CAMTA1: variants seen among roughly 807,000 people sequenced by gnomAD.
CAMTA1 encodes the protein calmodulin binding transcription activator 1.
In CAMTA1, 27 loss-of-function variants were observed where a neutral mutation model predicts 170.9. The observed-to-expected ratio is 0.16, with a 90% CI of 0.12 to 0.22. The LOEUF is 0.22. Among genes scored for constraint, CAMTA1 ranks in the 10% least tolerant of loss-of-function variants. CAMTA1 has a pLI of 1.00. For synonymous variants in CAMTA1, 833 were observed against 891.5 expected (o/e 0.93, Z 1.17); for missense variants, 1,619 against 2,217.2 (o/e 0.73, Z 5.42).
rs2096925633 is a variant in CAMTA1 at position 7,755,486 on chromosome 1, C to T, written c.4959-152C>T. 5 of 630,818 alleles carry T rather than the reference C, an allele frequency of 7.9e-6. No individual in the cohort carries two copies. The Admixed American group carries it at 1.0e-4, about 13-fold the overall frequency. The allele number at this position is 630,818 out of a possible 1,614,324, so 39.1% of individuals were successfully genotyped here. On this transcript the variant is annotated intron_variant, in intron 21 of 22. Coordinates refer to ENST00000303635, the MANE Select transcript of CAMTA1 (RefSeq NM_015215.4). The stretch of plus-strand genomic sequence containing the variant: ...AAATTGATGAATTTTTTTACCTACT[C>T]ATTTCACGTACCCCACCATCACTCT...
At chr1:7,524,855 C>T (rs926078440) in intron 6 of CAMTA1, among the ~76,000 whole-genome samples, 1 of 152,120 alleles carries the variant, frequency 6.6e-6, no homozygotes, top group African/African-American at 2.4e-5. Context: ...TCCTCTACCC[C>T]ACCGATCCCT....
chr1:7,057,773 T>G (rs1210176624), intron 3 of CAMTA1, among the ~76,000 whole-genome samples: 1 of 152,230 alleles, frequency 6.6e-6, no homozygotes, highest in East Asian at 1.9e-4. Flanking sequence ...GGCCCAGATA[T>G]AGTCACGGTT....
rs1189294996 is a variant in CAMTA1 at position 7,224,566 on chromosome 1, A to T, written c.303-24925A>T. Among the ~76,000 whole-genome samples the T allele has an allele frequency of 6.6e-6, 1 of 152,156 alleles. No homozygotes were observed. The highest frequency in any genetic ancestry group is 1.5e-5 in the Non-Finnish European group (1 of 68,030). On this transcript the variant is annotated intron_variant, in intron 4 of 22. Coordinates refer to ENST00000303635, the MANE Select transcript of CAMTA1 (RefSeq NM_015215.4). This position sits in a 1 kb window ranked among gnomAD's most constrained non-coding sequence, Gnocchi z 5.2. ...TCTGCTGTGTACGGGTTTTATTTTTAAATGTCATCATCGTTTTGTACAGGA... is the reference window on the plus strand; with the variant it reads ...TCTGCTGTGTACGGGTTTTATTTTTTAATGTCATCATCGTTTTGTACAGGA...
chr1:7,608,271 C>T (rs1438953070), intron 6 of CAMTA1, among the ~76,000 whole-genome samples: 3 of 152,208 alleles, frequency 2.0e-5, no homozygotes, highest in African/African-American at 4.8e-5. Context: ...AGGCCCAGAC[C>T]TGACCAAGGT....
chr1:7,574,886 T>A (rs1007163495), intron 6 of CAMTA1, among the ~76,000 whole-genome samples: 1 of 152,064 alleles, frequency 6.6e-6, no homozygotes, highest in Non-Finnish European at 1.5e-5. Flanking sequence ...TACTGAGAGG[T>A]CCGTGCCCCA....
At position 7,570,059 on chromosome 1, in the gene CAMTA1, GC is replaced by G. The variant is rs1358923652; in HGVS notation, c.511-70340del. 6.6e-6 allele frequency among the ~76,000 whole-genome samples: 1 copy of G among 152,198 alleles called. No homozygotes were observed. The highest frequency in any genetic ancestry group is 1.9e-4 in the East Asian group (1 of 5,200). ...ACTGTATCAATTTAAAATGGCTTTT[GC>G]TTTGATCATTAGGGGTCCTGGGAGG... On this transcript the variant is annotated intron_variant, in intron 6 of 22. Transcript: ENST00000303635. The surrounding 1 kb of genome is among the most constrained non-coding windows in gnomAD (Gnocchi z 4.3).
chr1:7,276,287 A>G (rs1410405587), intron 5 of CAMTA1, among the ~76,000 whole-genome samples: 1 of 58,268 alleles, frequency 1.7e-5, no homozygotes, highest in Non-Finnish European at 2.7e-5. Flanking sequence ...TCATATATAT[A>G]TATATATATA....
rs528505033 is a variant in CAMTA1, at chr1:7,667,562, T to C, written c.2652+2363T>C. ...CAGAAGCCAGGAGGTGGGAGGAGGGTCCCCTCTTTTCCCGAGGTCCTGGCC... is the reference window on the plus strand; with the variant it reads ...CAGAAGCCAGGAGGTGGGAGGAGGGCCCCCTCTTTTCCCGAGGTCCTGGCC... On this transcript the variant is annotated intron_variant, in intron 9 of 22. Transcript: ENST00000303635. Among the ~76,000 whole-genome samples, 28 of 151,460 alleles carry C rather than the reference T, an allele frequency of 1.8e-4. 1 individual carries two copies. The South Asian group carries it at 5.4e-3, about 29-fold the overall frequency.
chr1:7,240,484 G>T (rs901160625), intron 4 of CAMTA1, among the ~76,000 whole-genome samples: 1 of 149,590 alleles, frequency 6.7e-6, no homozygotes, highest in African/African-American at 2.5e-5. Flanking sequence ...CCCATCTTTG[G>T]TTAGTGGGAG....
chr1:6,883,552 C>T (rs558036043), intron 3 of CAMTA1, among the ~76,000 whole-genome samples: 3 of 152,034 alleles, frequency 2.0e-5, no homozygotes, highest in African/African-American at 7.2e-5. Context: ...GCAGAAGAAT[C>T]GATGTGAGGA....
chr1:7,750,242 G>A (rs2096886926), intron 19 of CAMTA1, among the ~76,000 whole-genome samples: 1 of 152,204 alleles, frequency 6.6e-6, no homozygotes, highest in South Asian at 2.1e-4. Context: ...CTTGCAGAAG[G>A]GTCCTGGTTC....
In CAMTA1 at chr1:6,909,158, A is replaced by G. The variant is rs1272773300; in HGVS notation, c.234+83948A>G. Among the ~76,000 whole-genome samples the G allele has an allele frequency of 2.0e-5, 3 of 152,200 alleles. No individual in the cohort carries two copies. The East Asian group carries it at 5.8e-4, about 29-fold the overall frequency. ...TTTCCTGGCCTCTAAAAGAAAACTC[A>G]ATTTATTTGTCTGCTTTGATCATCT... On this transcript the variant is annotated intron_variant, in intron 3 of 22. Transcript: ENST00000303635.
At chr1:7,741,108 A>G (rs904572708) in intron 16 of CAMTA1, among the ~76,000 whole-genome samples, 1 of 152,212 alleles carries the variant, frequency 6.6e-6, no homozygotes, top group Non-Finnish European at 1.5e-5. Context: ...TGTTTAAACT[A>G]TCTCCTAGAA....
intron 5 of CAMTA1, among the ~76,000 whole-genome samples, chr1:7,310,620 CTT>C (rs1676353346): frequency 2.3e-4 from 1 of 4,358 alleles, no homozygotes; most frequent in Non-Finnish European, 4.5e-4. Context: ...TTCTTTCTTT[CTT>C]TCTTTCTTTC....
intron 6 of CAMTA1, among the ~76,000 whole-genome samples, chr1:7,587,448 C>T (rs966408371): frequency 2.0e-5 from 3 of 152,116 alleles, no homozygotes; most frequent in East Asian, 1.9e-4. Context: ...CCACTCTAAC[C>T]GCCCGTGATT....
chr1:7,474,297 G>A (rs2093383802), intron 6 of CAMTA1, among the ~76,000 whole-genome samples: 1 of 137,094 alleles, frequency 7.3e-6, no homozygotes, highest in African/African-American at 2.7e-5. Context: ...ATAAAATGGA[G>A]CCAACAGCAA....
chr1:7,272,692 CAAAAAAAAAAAAA>C (rs371588178), intron 5 of CAMTA1, among the ~76,000 whole-genome samples: 1 of 38,802 alleles, frequency 2.6e-5, no homozygotes, highest in Non-Finnish European at 4.6e-5. Context: ...TAAACACATG[CAAAAAAAAAAAAA>C]AAAAAAAAAA....
chr1:6,921,193 A>C (rs570760040), intron 3 of CAMTA1, among the ~76,000 whole-genome samples: 2 of 152,232 alleles, frequency 1.3e-5, no homozygotes, highest in Non-Finnish European at 2.9e-5. Flanking sequence ...GATAACCTAA[A>C]TCATCTTTCT....
intron 5 of CAMTA1, among the ~76,000 whole-genome samples, chr1:7,344,674 C>A (rs904294501): frequency 6.6e-6 from 1 of 151,968 alleles, no homozygotes; most frequent in Non-Finnish European, 1.5e-5. Flanking sequence ...ACCAGCATTT[C>A]CCTGTTCACG....
Sources: gnomAD v4.1 joint callset for allele counts (sites outside exome capture counted in the v4.1 genomes callset) on GRCh38, gnomAD v4.1.1 for gene constraint, Gnocchi (gnomAD v3.1) non-coding constraint, MANE v1.5 for transcripts, NCBI Gene and HGNC (gene_info 2026-07-23, HGNC 2026-07-21) for gene names.